Variants in SLC24A3 observed in about 807,000 individuals in gnomAD.
SLC24A3 encodes sodium/potassium/calcium exchanger 3.
A neutral mutation model predicts 75.8 loss-of-function variants in SLC24A3; 28 were observed. The observed-to-expected ratio is 0.37, with a 90% CI of 0.27 to 0.51. The LOEUF is 0.51. SLC24A3 is among the 20% of genes least tolerant of loss of function. SLC24A3 has a pLI of 0.94. For synonymous variants in SLC24A3, 372 were observed against 334.1 expected (o/e 1.11, Z -1.24); for missense variants, 663 against 847.8 (o/e 0.78, Z 2.71).
intron 2 of SLC24A3, among the ~76,000 whole-genome samples, chr20:19,418,418 C>T (rs566255058): frequency 5.9e-5 from 9 of 151,526 alleles, no homozygotes; most frequent in Non-Finnish European, 8.8e-5. Flanking sequence ...GGAAATCTCC[C>T]GGAAAATAGA....
Position 19,212,967 on chromosome 20 carries a change from G to A in SLC24A3, c.125G>A (p.Ser42Asn). 1 of 1,303,666 alleles carries A rather than the reference G, an allele frequency of 7.7e-7. No individual in the cohort carries two copies. Among genetic ancestry groups the A allele is most frequent in the South Asian group, 2.6e-5 (1 of 37,782 alleles). 80.8% of individuals were successfully genotyped at this position (1,303,666 alleles called of 1,614,324 possible). The change falls in exon 1 of 17, where the codon AGC (serine) becomes AAC (asparagine). Residue 42 changes from serine to asparagine, a missense_variant. Physicochemically the swap from Ser to Asn is conservative, Grantham distance 46. Transcript: ENST00000328041. Reference protein sequence around the residue: ...SVALLLWSLSSLREQKELDLM... With the variant: ...SVALLLWSLSNLREQKELDLM... ...GCGCTGCTGCTCTGGTCGCTGTCGA[G>A]CCTGCGAGAGCAGAAGGGTGAGTGC...
chr20:19,218,722 G>A (rs1356608096), intron 1 of SLC24A3, among the ~76,000 whole-genome samples: 2 of 151,568 alleles, frequency 1.3e-5, no homozygotes, highest in East Asian at 3.9e-4. Flanking sequence ...ACCCTGGAGG[G>A]TTGGTGAAGC....
chr20:19,523,397 C>T (rs6081631), intron 3 of SLC24A3, among the ~76,000 whole-genome samples: 1,694 of 152,278 alleles, frequency 0.011, 31 homozygotes, highest in African/African-American at 0.039. Flanking sequence ...TGAGCATGTC[C>T]TTAATTTGTC....
chr20:19,441,395 G>A (rs1987297471), intron 2 of SLC24A3, among the ~76,000 whole-genome samples: 1 of 152,170 alleles, frequency 6.6e-6, no homozygotes, highest in Non-Finnish European at 1.5e-5. Context: ...AGTGTGGTTA[G>A]GACTGCAGTT....
At chr20:19,369,210 A>G (rs1317346522) in intron 2 of SLC24A3, among the ~76,000 whole-genome samples, 1 of 152,196 alleles carries the variant, frequency 6.6e-6, no homozygotes, top group Non-Finnish European at 1.5e-5. Context: ...CGCCTCCCCT[A>G]ACCAAGTGCT....
Position 19,521,272 on chromosome 20 carries a change from G to C in SLC24A3, c.348+5708G>C, listed in dbSNP as rs532441937. The stretch of plus-strand genomic sequence containing the variant: ...CTTCAGTACCTCCCGGCACTGGTCA[G>C]TTTCCTAATTTATAGTCCCCAGAAG... On this transcript the variant is annotated intron_variant, in intron 3 of 16. Coordinates refer to ENST00000328041, the MANE Select transcript of SLC24A3 (RefSeq NM_020689.4). Among the ~76,000 whole-genome samples the C allele has an allele frequency of 4.2e-4, 63 of 151,782 alleles. 1 individual carries two copies. The South Asian group carries it at 8.1e-3, about 20-fold the overall frequency.
chr20:19,216,108 T>A (rs1404367235), intron 1 of SLC24A3, among the ~76,000 whole-genome samples: 1 of 152,240 alleles, frequency 6.6e-6, no homozygotes, highest in African/African-American at 2.4e-5. Flanking sequence ...TGAGCTCTAG[T>A]TGCCCTATTT....
At chr20:19,458,726 T>A (rs961563689) in intron 2 of SLC24A3, among the ~76,000 whole-genome samples, 1 of 152,208 alleles carries the variant, frequency 6.6e-6, no homozygotes, top group African/African-American at 2.4e-5. Context: ...TTTATATACA[T>A]CCCACATTTT....
rs563720584 is a variant in SLC24A3 at position 19,515,723 on chromosome 20, T to G, written c.348+159T>G. Among the ~76,000 whole-genome samples, 13 of 152,290 alleles carry G rather than the reference T, an allele frequency of 8.5e-5. No individual in the cohort carries two copies. The South Asian group carries it at 2.7e-3, about 32-fold the overall frequency. ...AGCTCTGTAGGGGGCCATCACCAAA[T>G]GGAGATGAAAGACCACAGCTTTCGA... On this transcript the variant is annotated intron_variant, in intron 3 of 16. Transcript: ENST00000328041.
chr20:19,438,764 A>G (rs918509380), intron 2 of SLC24A3, among the ~76,000 whole-genome samples: 5 of 152,070 alleles, frequency 3.3e-5, no homozygotes, highest in Non-Finnish European at 4.4e-5. Flanking sequence ...CAGGTAGTAT[A>G]GACACTAAGC....
At chr20:19,404,845 T>C (rs926685802) in intron 2 of SLC24A3, among the ~76,000 whole-genome samples, 5 of 152,168 alleles carry the variant, frequency 3.3e-5, no homozygotes, top group African/African-American at 1.2e-4. Flanking sequence ...TGGCAGTTCT[T>C]TCACCTGGTG....
At position 19,526,804 on chromosome 20, in the gene SLC24A3, A is replaced by G. The variant is rs541148699; in HGVS notation, c.348+11240A>G. On this transcript the variant is annotated intron_variant, in intron 3 of 16. Coordinates refer to ENST00000328041, the MANE Select transcript of SLC24A3 (RefSeq NM_020689.4). Reference sequence around the variant, plus strand: ...TCCTTCTGTCTATCTTGATTTTTCTAAAAAATGTGGATAATGATAGTATCT... The same window carrying G: ...TCCTTCTGTCTATCTTGATTTTTCTGAAAAATGTGGATAATGATAGTATCT... 1.2e-3 allele frequency among the ~76,000 whole-genome samples: 190 copies of G among 152,272 alleles called. 1 individual carries two copies. The highest frequency in any genetic ancestry group is 4.5e-3 in the African/African-American group (186 of 41,556).
intron 3 of SLC24A3, among the ~76,000 whole-genome samples, chr20:19,574,195 A>T (rs1013817631): frequency 6.6e-6 from 1 of 152,210 alleles, no homozygotes; most frequent in Admixed American, 6.5e-5. Context: ...CATGCTTTAA[A>T]CATATAAATG....
intron 2 of SLC24A3, among the ~76,000 whole-genome samples, chr20:19,490,104 A>G (rs941825231): frequency 2.6e-5 from 4 of 152,158 alleles, no homozygotes; most frequent in African/African-American, 7.2e-5. Context: ...TTACTCATTG[A>G]TGGCCAGATT....
At position 19,515,551 on chromosome 20, in the gene SLC24A3, T is replaced by G; in HGVS notation, c.335T>G (p.Leu112Arg). 6.2e-7 allele frequency: 1 copy of G among 1,614,114 alleles called. No individual in the cohort carries two copies. Among genetic ancestry groups the G allele is most frequent in the Non-Finnish European group, 8.5e-7 (1 of 1,179,990 alleles). Residue 112 changes from leucine (L) to arginine (R), a missense_variant, in exon 3 of 17, where the codon CTC becomes CGC. Transcript: ENST00000328041. The part of the protein sequence containing the change: ...NEDRRQGAVV[L>R]HVLCAIYMFY... ...GATAGAAGACAAGGTGCGGTGGTCCTCCATGTGCTCTGTGTAAGTACCCCT... is the reference window on the plus strand; with the variant it reads ...GATAGAAGACAAGGTGCGGTGGTCCGCCATGTGCTCTGTGTAAGTACCCCT...
intron 2 of SLC24A3, among the ~76,000 whole-genome samples, chr20:19,323,098 C>G (rs975100055): frequency 6.8e-6 from 1 of 147,244 alleles, no homozygotes; most frequent in Non-Finnish European, 1.5e-5. Flanking sequence ...CCCAGCTACT[C>G]GGGAGGCTGA....
At chr20:19,695,410 G>C (rs947126977) in intron 13 of SLC24A3, 1 of 152,176 alleles carries the variant, frequency 6.6e-6, no homozygotes, top group East Asian at 1.9e-4. Flanking sequence ...CCCACATGCA[G>C]GGAATGTGTC....
At chr20:19,358,028 A>G (rs1432717259) in intron 2 of SLC24A3, among the ~76,000 whole-genome samples, 3 of 152,234 alleles carry the variant, frequency 2.0e-5, no homozygotes, top group Admixed American at 1.3e-4. Flanking sequence ...CGTAGGTCCA[A>G]TGAAGGCAGA....
In SLC24A3 at chr20:19,212,875, TCGCCGCCGCCGCCGC is replaced by T; in HGVS notation, c.42_56del (p.Arg16_Arg20del). On this transcript the variant is annotated inframe_deletion, in exon 1 of 17. Coordinates refer to ENST00000328041, the MANE Select transcript of SLC24A3 (RefSeq NM_020689.4). ...CGTCCGGCGACGAGGACCGCGCGCG[TCGCCGCCGCCGCCGC>T]CGCCGCCGGAGGGACCTTCTGCTGA... The T allele has an allele frequency of 8.0e-7, 1 of 1,254,572 alleles. No homozygotes were observed. Among genetic ancestry groups the T allele is most frequent in the Non-Finnish European group, 1.0e-6 (1 of 996,152 alleles). 77.7% of individuals were successfully genotyped at this position (1,254,572 alleles called of 1,614,324 possible).
Sources: allele counts gnomAD v4.1 joint callset (sites outside exome capture counted in the v4.1 genomes callset), GRCh38; gene constraint gnomAD v4.1.1; transcripts MANE v1.5; gene names NCBI Gene and HGNC (gene_info 2026-07-23, HGNC 2026-07-21).